ACAP1: variants seen among roughly 807,000 people sequenced by gnomAD.
ACAP1 encodes the protein ArfGAP with coiled-coil, ankyrin repeat and PH domains 1, also known as arf-GAP with coiled-coil, ANK repeat and PH domain-containing protein 1.
ACAP1 carries 45 observed loss-of-function variants against 98.8 expected under a neutral mutation model. The ratio of observed to expected loss-of-function variants is 0.46; its 90% confidence interval spans 0.36 to 0.58. The LOEUF (loss-of-function observed/expected upper bound fraction) is 0.58, where lower values mean the gene tolerates loss of function less well. Among genes scored for constraint, ACAP1 ranks in the 20% least tolerant of loss-of-function variants. The probability of loss-of-function intolerance (pLI) is 0.00; values close to 1 mark genes in which losing one functional copy is unlikely to be tolerated. For synonymous variants in ACAP1, 362 were observed against 375.3 expected (o/e 0.96, Z 0.41); for missense variants, 735 against 971.4 (o/e 0.76, Z 3.24).
In ACAP1 at chr17:7,350,148, A is replaced by G. The variant is rs762917416; in HGVS notation, c.1983A>G (p.Lys661=). 5.6e-6 allele frequency: 9 copies of G among 1,614,040 alleles called. No homozygotes were observed. Among genetic ancestry groups the G allele is most frequent in the Non-Finnish European group, 7.6e-6 (9 of 1,180,012 alleles). The change falls in exon 20 of 22, where the codon AAA becomes AAG. Residue 661 remains lysine, a synonymous_variant. Coordinates refer to ENST00000158762, the MANE Select transcript of ACAP1 (RefSeq NM_014716.4). The surrounding 1 kb of genome is among the most constrained non-coding windows in gnomAD (Gnocchi z 4.6). The part of the protein sequence containing the change: ...GHTGLACLFL[K]RGADLGARDS... ...CCAGGCTCGCCTGCCTGTTCCTGAA[A>G]CGGGGAGCTGATCTGGGGGCTCGAG... is the stretch of plus-strand genomic sequence containing the variant.
chr17:7,350,447 G>T lies in ACAP1; in HGVS notation c.2072+210G>T. 2 of 575,412 alleles carry T rather than the reference G, an allele frequency of 3.5e-6. No homozygotes were observed. The highest frequency in any genetic ancestry group is 3.1e-6 in the Non-Finnish European group (1 of 322,644). The allele number at this position is 575,412 out of a possible 1,614,324, so 35.6% of individuals were successfully genotyped here. ...GAGTAGAAGGCAGGCGGGAGGGCGG[G>T]CAGGGTGCAAGGATGCTTGGCCCAC... On this transcript the variant is annotated intron_variant, in intron 20 of 21. Transcript: ENST00000158762. This position sits in a 1 kb window ranked among gnomAD's most constrained non-coding sequence, Gnocchi z 4.6.
At chr17:7,339,315 C>A (rs963359756) in intron 2 of ACAP1, among the ~76,000 whole-genome samples, 4 of 144,556 alleles carry the variant, frequency 2.8e-5, no homozygotes, top group Admixed American at 6.9e-5. Flanking sequence ...AAACAAAAAA[C>A]CCCAATAAAC....
At chr17:7,347,690 G>A (rs1053790773) in intron 14 of ACAP1, 2 of 591,636 alleles carry the variant, frequency 3.4e-6, no homozygotes, top group Admixed American at 3.0e-5. Context: ...GAGTGATGAG[G>A]GCCTTGAAAT....
Position 7,344,783 on chromosome 17 carries a change from CAG to C in ACAP1, c.854+138_854+139del. The C allele has an allele frequency of 3.1e-6, 2 of 649,524 alleles. No individual in the cohort carries two copies. The highest frequency in any genetic ancestry group is 2.7e-6 in the Non-Finnish European group (1 of 366,744). 40.2% of individuals were successfully genotyped at this position (649,524 alleles called of 1,614,324 possible). Reference sequence around the variant, plus strand: ...TAGAGTTTCATTCCATCAGCAAAGACAGAGGATAAACCTAGTATGTAAATTAC... The same window carrying C: ...TAGAGTTTCATTCCATCAGCAAAGACAGGATAAACCTAGTATGTAAATTAC... On this transcript the variant is annotated intron_variant, in intron 10 of 21. Transcript: ENST00000158762. This position sits in a 1 kb window ranked among gnomAD's most constrained non-coding sequence, Gnocchi z 4.9.
chr17:7,350,272 G>C lies in ACAP1; in HGVS notation c.2072+35G>C, dbSNP rs1298621396. On this transcript the variant is annotated intron_variant, in intron 20 of 21. Transcript: ENST00000158762. This position sits in a 1 kb window ranked among gnomAD's most constrained non-coding sequence, Gnocchi z 4.6. ...CCTGAAGGGGCGGGGCTGGCGCTGG[G>C]ACTCCCCCCACCCCCGCCCACCCAC... The C allele has an allele frequency of 2.8e-5, 43 of 1,562,112 alleles. No individual in the cohort carries two copies. The highest frequency in any genetic ancestry group is 3.7e-5 in the Non-Finnish European group (42 of 1,136,428).
intron 21 of ACAP1, 29 bp from the exon 22 acceptor site, chr17:7,351,266 C>T (rs776753336): frequency 1.3e-6 from 2 of 1,580,030 alleles, no homozygotes; most frequent in Admixed American, 1.7e-5. Context: ...GGGGCCCAGC[C>T]GCCTCCCGGC....
intron 17 of ACAP1, 114 bp from the exon 18 acceptor site, chr17:7,348,881 A>G (rs2073374813): frequency 1.0e-6 from 1 of 993,758 alleles, no homozygotes; most frequent in Middle Eastern, 3.3e-4. Context: ...CACAGTCCCA[A>G]GCTCCCCATC....
chr17:7,336,926 A>G, intron 1 of ACAP1, 139 bp downstream of exon 1: 1 of 873,412 alleles, frequency 1.1e-6, no homozygotes, highest in Non-Finnish European at 1.8e-6. Context: ...CCAAAGTGGT[A>G]CCCCAGCTGT....
Position 7,344,060 on chromosome 17 carries a change from G to C in ACAP1, c.681G>C (p.Leu227=). ...CTTCCTGTGCCCAGTTGCACCAGCTGGTCTTGAATTCAGCACGAGAGAAGA... is the reference window on the plus strand; with the variant it reads ...CTTCCTGTGCCCAGTTGCACCAGCTCGTCTTGAATTCAGCACGAGAGAAGA... The part of the protein sequence containing the change: ...RKELGAQLHQ[L]VLNSAREKRD... The change falls in exon 9 of 22, where the codon CTG becomes CTC. Residue 227 remains leucine, a synonymous_variant. Transcript: ENST00000158762. This position sits in a 1 kb window ranked among gnomAD's most constrained non-coding sequence, Gnocchi z 4.9. 4 of 1,592,934 alleles carry C rather than the reference G, an allele frequency of 2.5e-6. No homozygotes were observed. The highest frequency in any genetic ancestry group is 2.6e-6 in the Non-Finnish European group (3 of 1,169,084).
Position 7,350,902 on chromosome 17 carries a change from G to C in ACAP1, c.2073-48G>C. The C allele has an allele frequency of 6.2e-7, 1 of 1,604,346 alleles. No individual in the cohort carries two copies. Among genetic ancestry groups the C allele is most frequent in the Non-Finnish European group, 8.5e-7 (1 of 1,171,402 alleles). On this transcript the variant is annotated intron_variant, in intron 20 of 21. Coordinates refer to ENST00000158762, the MANE Select transcript of ACAP1 (RefSeq NM_014716.4). The surrounding 1 kb of genome is among the most constrained non-coding windows in gnomAD (Gnocchi z 4.6). ...TGGGATTACAGGCGTGAGCCACCGC[G>C]CCCGGCCAAAGATAGTGTCGTTCAT...
At position 7,343,451 on chromosome 17, in the gene ACAP1, C is replaced by A. The variant is rs745976029; in HGVS notation, c.417C>A (p.Thr139=). Residue 139 remains threonine (T), a synonymous_variant, in exon 6 of 22, where the codon ACC becomes ACA. Transcript: ENST00000158762. This position sits in a 1 kb window ranked among gnomAD's most constrained non-coding sequence, Gnocchi z 4.9. ...RGAESLEAAL[T]HNAEVPRRRA... is the part of the protein sequence containing the mutation. Reference sequence around the variant, plus strand: ...CTGAGAGCCTGGAGGCTGCCCTGACCCACAACGCAGAGGTTCCCAGGCGCC... The same window carrying A: ...CTGAGAGCCTGGAGGCTGCCCTGACACACAACGCAGAGGTTCCCAGGCGCC... 3 of 1,614,102 alleles carry A rather than the reference C, an allele frequency of 1.9e-6. No homozygotes were observed. The South Asian group carries it at 3.3e-5, about 18-fold the overall frequency.
intron 21 of ACAP1, 118 bp downstream of exon 21, chr17:7,351,117 T>C: frequency 8.4e-7 from 1 of 1,191,038 alleles, no homozygotes; most frequent in Non-Finnish European, 1.2e-6. Flanking sequence ...AACAAATGCG[T>C]ATTGGGCGCA....
Position 7,350,228 on chromosome 17 carries a change from T to C in ACAP1, c.2063T>C (p.Ile688Thr). The C allele has an allele frequency of 6.2e-7, 1 of 1,613,588 alleles. No individual in the cohort carries two copies. Among genetic ancestry groups the C allele is most frequent in the Non-Finnish European group, 8.5e-7 (1 of 1,179,742 alleles). Residue 688 changes from isoleucine (I) to threonine (T), a missense_variant, in exon 20 of 22, where the codon ATC becomes ACC. Coordinates refer to ENST00000158762, the MANE Select transcript of ACAP1 (RefSeq NM_014716.4). This position sits in a 1 kb window ranked among gnomAD's most constrained non-coding sequence, Gnocchi z 4.6. ...TIAMETANAD[I>T]VTLLRLAKMR... is the part of the protein sequence containing the mutation. ...GCCATGGAAACAGCCAACGCTGACA[T>C]CGTCACCCTGTAAGAATGCCTGAAG... is the stretch of plus-strand genomic sequence containing the variant.
chr17:7,349,387 T>TG (rs1242014522), intron 18 of ACAP1: 13 of 527,882 alleles, frequency 2.5e-5, no homozygotes, highest in African/African-American at 3.8e-5. Flanking sequence ...GACTTTTTTT[T>TG]TTTTTTTTGA....
Position 7,343,764 on chromosome 17 carries a change from G to A in ACAP1, c.573+14G>A, listed in dbSNP as rs2073319333. The A allele has an allele frequency of 1.2e-6, 2 of 1,613,686 alleles. No homozygotes were observed. The highest frequency in any genetic ancestry group is 2.2e-5 in the East Asian group (1 of 44,894). ...ATCATGGAGTTTGTGAGTTGTGGCG[G>A]GGGTGAGGGCAGGGTGGAGAAGAGC... is the stretch of plus-strand genomic sequence containing the variant. On this transcript the variant is annotated intron_variant, in intron 7 of 21. Transcript: ENST00000158762. The surrounding 1 kb of genome is among the most constrained non-coding windows in gnomAD (Gnocchi z 4.9).
Position 7,351,459 on chromosome 17 carries a change from C to A in ACAP1, c.*64C>A. 1 of 1,249,066 alleles carries A rather than the reference C, an allele frequency of 8.0e-7. No homozygotes were observed. The highest frequency in any genetic ancestry group is 1.1e-6 in the Non-Finnish European group (1 of 876,694). 77.4% of individuals were successfully genotyped at this position (1,249,066 alleles called of 1,614,324 possible). A position where few individuals can be genotyped will look rare whatever the true frequency, so the allele number is the denominator to read the frequency against. ...GCCACCGGGCCCTCTGCCATTAAAG[C>A]CTCCGTGCTTCGCTCTTCCCTTCTG... On this transcript the variant is annotated 3_prime_UTR_variant, in exon 22 of 22. Transcript: ENST00000158762.
Position 7,346,796 on chromosome 17 carries a change from C to T in ACAP1, c.1008-12C>T. ...CAGACCCCTCTGCCATCTCCCTCACCCTCCTACCTAGGTCCTGCCTCCTCC... is the reference window on the plus strand; with the variant it reads ...CAGACCCCTCTGCCATCTCCCTCACTCTCCTACCTAGGTCCTGCCTCCTCC... On this transcript the variant is annotated splice_polypyrimidine_tract_variant and intron_variant, in intron 12 of 21. Coordinates refer to ENST00000158762, the MANE Select transcript of ACAP1 (RefSeq NM_014716.4). 2 of 1,608,386 alleles carry T rather than the reference C, an allele frequency of 1.2e-6. No homozygotes were observed. The highest frequency in any genetic ancestry group is 1.7e-6 in the Non-Finnish European group (2 of 1,176,068).
At position 7,346,462 on chromosome 17, in the gene ACAP1, G is replaced by A. The variant is rs965360589; in HGVS notation, c.978G>A (p.Arg326=). The change falls in exon 12 of 22, where the codon CGG becomes CGA. Residue 326 remains arginine (R), a synonymous_variant. Transcript: ENST00000158762. The stretch of plus-strand genomic sequence containing the variant: ...AACTCTGCCCTGACTCAGAAAGGCG[G>A]TTCTGCTTTGAGGTGGTGTCCACCA... ...TVKLCPDSER[R]FCFEVVSTSK... is the part of the protein sequence containing the mutation. The A allele has an allele frequency of 1.2e-6, 2 of 1,612,356 alleles. No homozygotes were observed. Among genetic ancestry groups the A allele is most frequent in the Non-Finnish European group, 1.7e-6 (2 of 1,179,224 alleles).
chr17:7,340,104 GT>G (rs569517490), intron 2 of ACAP1, among the ~76,000 whole-genome samples: 108 of 151,772 alleles, frequency 7.1e-4, no homozygotes, highest in African/African-American at 2.5e-3. Flanking sequence ...TCTAAATAAT[GT>G]TCTGTTTTGT....
Sources: gnomAD v4.1 joint callset for allele counts (sites outside exome capture counted in the v4.1 genomes callset) on GRCh38, gnomAD v4.1.1 for gene constraint, Gnocchi (gnomAD v3.1) non-coding constraint, MANE v1.5 for transcripts, NCBI Gene and HGNC (gene_info 2026-07-23, HGNC 2026-07-21) for gene names.